Variants in STPG2 observed in about 807,000 individuals in gnomAD.
STPG2 encodes the protein sperm-tail PG-rich repeat-containing protein 2.
In STPG2, 56 loss-of-function variants were observed where a neutral mutation model predicts 54.2. The observed-to-expected ratio is 1.03, with a 90% confidence interval of 0.83 to 1.29. The LOEUF (loss-of-function observed/expected upper bound fraction) is 1.29. STPG2 is among the 50% of genes most tolerant of loss of function. STPG2 has a pLI of 0.00. For synonymous variants in STPG2, 200 were observed against 181.8 expected (o/e 1.10, Z -0.81); for missense variants, 596 against 544.9 (o/e 1.09, Z -0.93).
At chr4:98,018,803 G>A (rs1023268361) in intron 5 of STPG2, among the ~76,000 whole-genome samples, 1 of 151,840 alleles carries the variant, frequency 6.6e-6, no homozygotes, top group African/African-American at 2.4e-5. Context: ...TTTTTTGGCT[G>A]CATAAATGTC....
At chr4:97,528,284 A>C (rs1425281112) in intron 4 of STPG2, among the ~76,000 whole-genome samples, 1 of 152,040 alleles carries the variant, frequency 6.6e-6, no homozygotes, top group Non-Finnish European at 1.5e-5. Context: ...TGTTTTTGTC[A>C]GGTTTGTCAA....
At chr4:97,762,351 C>T (rs1308756874) in intron 9 of STPG2, among the ~76,000 whole-genome samples, 2 of 152,096 alleles carry the variant, frequency 1.3e-5, no homozygotes, top group Non-Finnish European at 2.9e-5. Flanking sequence ...TCCCTAGTGA[C>T]CAATCTTTAC....
intron 5 of STPG2, among the ~76,000 whole-genome samples, chr4:97,982,569 G>A (rs1328772301): frequency 2.0e-5 from 3 of 152,048 alleles, no homozygotes; most frequent in African/African-American, 7.2e-5. Flanking sequence ...TCTAGGATTC[G>A]TATTCCAAAT....
chr4:97,896,934 T>A (rs1237366081), intron 8 of STPG2, among the ~76,000 whole-genome samples: 1 of 151,916 alleles, frequency 6.6e-6, no homozygotes, highest in African/African-American at 2.4e-5. Flanking sequence ...AAGTTCTGGG[T>A]ACATGTGCAG....
At chr4:98,066,405 A>G (rs1365905723) in intron 5 of STPG2, among the ~76,000 whole-genome samples, 12 of 152,124 alleles carry the variant, frequency 7.9e-5, no homozygotes, top group African/African-American at 2.9e-4. Flanking sequence ...CCTGGCCAAC[A>G]TGGTGAAACT....
At chr4:97,768,095 A>T (rs1006838716) in intron 9 of STPG2, among the ~76,000 whole-genome samples, 1 of 151,382 alleles carries the variant, frequency 6.6e-6, no homozygotes, top group East Asian at 2.0e-4. Flanking sequence ...TGAACCCAGG[A>T]GGCGGATCTT....
intron 4 of STPG2, among the ~76,000 whole-genome samples, chr4:97,525,211 T>C (rs1366775774): frequency 4.0e-5 from 6 of 151,878 alleles, no homozygotes; most frequent in Non-Finnish European, 8.8e-5. Context: ...TAATTTAATA[T>C]ATTTAACTTT....
chr4:97,493,341 T>G (rs1214530085), intron 4 of STPG2, among the ~76,000 whole-genome samples: 2 of 151,418 alleles, frequency 1.3e-5, no homozygotes, highest in African/African-American at 4.8e-5. Context: ...TAGTTTGTAG[T>G]GCAGCAATGG....
intron 3 of STPG2, among the ~76,000 whole-genome samples, chr4:98,113,668 T>C (rs1210788540): frequency 6.6e-6 from 1 of 151,916 alleles, no homozygotes; most frequent in Non-Finnish European, 1.5e-5. Context: ...AAGTAATATA[T>C]TATTATTCTT....
intron 5 of STPG2, among the ~76,000 whole-genome samples, chr4:98,022,819 A>T (rs1291909955): frequency 1.3e-5 from 2 of 152,104 alleles, no homozygotes; most frequent in Non-Finnish European, 2.9e-5. Context: ...TCGGCTCCTG[A>T]GGCTTCTGCA....
intron 10 of STPG2, among the ~76,000 whole-genome samples, chr4:97,623,852 T>C (rs1050797945): frequency 3.3e-5 from 5 of 152,260 alleles, no homozygotes; most frequent in Admixed American, 6.5e-5. Flanking sequence ...TTTTTCCTCA[T>C]TGTTTGGCTC....
At chr4:97,725,966 G>A (rs1353288276) in intron 9 of STPG2, among the ~76,000 whole-genome samples, 1 of 151,754 alleles carries the variant, frequency 6.6e-6, no homozygotes, top group Non-Finnish European at 1.5e-5. Flanking sequence ...ATTGGCATCA[G>A]CAAAACCAGA....
chr4:97,512,678 G>A (rs763328482), intron 4 of STPG2, among the ~76,000 whole-genome samples: 3 of 152,070 alleles, frequency 2.0e-5, no homozygotes, highest in Non-Finnish European at 4.4e-5. Context: ...GAAGGGGGAC[G>A]AAAGAGTATC....
chr4:97,988,226 A>G (rs1419295074), intron 5 of STPG2, among the ~76,000 whole-genome samples: 2 of 152,158 alleles, frequency 1.3e-5, no homozygotes. Context: ...CATTATAATC[A>G]GGTCACTATA....
At chr4:97,538,111 A>C (rs1469206753) in intron 4 of STPG2, among the ~76,000 whole-genome samples, 5 of 152,110 alleles carry the variant, frequency 3.3e-5, no homozygotes, top group African/African-American at 1.2e-4. Flanking sequence ...AAATACAAAA[A>C]CTGAAAATTC....
intron 10 of STPG2, among the ~76,000 whole-genome samples, chr4:97,597,164 T>C (rs760269947): frequency 2.0e-5 from 3 of 152,018 alleles, no homozygotes; most frequent in Admixed American, 6.6e-5. Flanking sequence ...CTTAGAATAA[T>C]AGATAAATTC....
intron 5 of STPG2, among the ~76,000 whole-genome samples, chr4:98,040,082 G>A (rs1274536433): frequency 2.0e-5 from 3 of 151,724 alleles, no homozygotes; most frequent in Admixed American, 2.0e-4. Context: ...TAGTGATATT[G>A]AACATTTTTT....
intron 9 of STPG2, among the ~76,000 whole-genome samples, chr4:97,813,793 C>T (rs1560538573): frequency 6.9e-6 from 1 of 144,014 alleles, no homozygotes; most frequent in Non-Finnish European, 1.5e-5. Flanking sequence ...TTAACTTAAG[C>T]ATTACAACAA....
At chr4:98,087,049 T>C (rs1447206664) in intron 5 of STPG2, among the ~76,000 whole-genome samples, 2 of 152,212 alleles carry the variant, frequency 1.3e-5, no homozygotes, top group Non-Finnish European at 1.5e-5. Flanking sequence ...ATAACATGTC[T>C]TAAATAACTT....
Sources: gnomAD v4.1 joint callset for allele counts (sites outside exome capture counted in the v4.1 genomes callset) on GRCh38, gnomAD v4.1.1 for gene constraint, MANE v1.5 for transcripts, NCBI Gene and HGNC (gene_info 2026-07-23, HGNC 2026-07-21) for gene names.